Variants in ERC2 observed in about 807,000 individuals in gnomAD.
The protein encoded by ERC2 is ERC protein 2.
A neutral mutation model predicts 114.8 loss-of-function variants in ERC2; 42 were observed. The ratio of observed to expected loss-of-function variants is 0.37; its 90% CI spans 0.29 to 0.47. The LOEUF (loss-of-function observed/expected upper bound fraction) is 0.47, where lower values mean the gene tolerates loss of function less well. Ranked by LOEUF, ERC2 falls within the 20% of genes least tolerant of loss-of-function variation. The pLI is 0.99. For synonymous variants in ERC2, 454 were observed against 425.5 expected (o/e 1.07, Z -0.82); for missense variants, 939 against 1,150.7 (o/e 0.82, Z 2.66).
chr3:56,398,643 G>A (rs564420756), intron 2 of ERC2, among the ~76,000 whole-genome samples: 2 of 151,506 alleles, frequency 1.3e-5, no homozygotes, highest in African/African-American at 4.8e-5. Context: ...TGTTTTTTTA[G>A]AGACAGGCTC....
At chr3:56,196,920 C>A (rs1486830649) in intron 3 of ERC2, among the ~76,000 whole-genome samples, 1 of 152,052 alleles carries the variant, frequency 6.6e-6, no homozygotes, top group African/African-American at 2.4e-5. Flanking sequence ...CACTGCTAAT[C>A]CCCAGCATGA....
intron 17 of ERC2, among the ~76,000 whole-genome samples, chr3:55,661,467 C>T (rs973647695): frequency 9.2e-5 from 14 of 152,168 alleles, no homozygotes; most frequent in Non-Finnish European, 1.6e-4. Flanking sequence ...CCCTTGGGAC[C>T]TCTCTGCCTC....
chr3:55,928,371 G>T (rs2065872059), intron 13 of ERC2, among the ~76,000 whole-genome samples: 1 of 152,140 alleles, frequency 6.6e-6, no homozygotes, highest in Admixed American at 6.5e-5. Context: ...ATAATGTTGA[G>T]TACTTTTTTC....
intron 3 of ERC2, among the ~76,000 whole-genome samples, chr3:56,292,522 A>G (rs981680426): frequency 2.0e-5 from 3 of 151,922 alleles, no homozygotes; most frequent in Non-Finnish European, 4.4e-5. Flanking sequence ...CCTGGGAGGT[A>G]GAGGTTGCAG....
intron 17 of ERC2, among the ~76,000 whole-genome samples, chr3:55,614,546 T>TA (rs908280545): frequency 8.6e-5 from 13 of 151,556 alleles, no homozygotes; most frequent in South Asian, 8.3e-4. Flanking sequence ...CTGATAAAAT[T>TA]AAAAAAAAAT....
intron 3 of ERC2, among the ~76,000 whole-genome samples, chr3:56,294,905 CA>C (rs2055330441): frequency 1.3e-5 from 2 of 152,138 alleles, no homozygotes; most frequent in African/African-American, 4.8e-5. Flanking sequence ...GGTAAAGTAT[CA>C]TTAAAACGAA....
chr3:55,682,439 T>C (rs1344963805), intron 17 of ERC2, among the ~76,000 whole-genome samples: 1 of 152,124 alleles, frequency 6.6e-6, no homozygotes, highest in Non-Finnish European at 1.5e-5. Context: ...TGTAGAAAGA[T>C]GTCGTACCTG....
intron 2 of ERC2, among the ~76,000 whole-genome samples, chr3:56,363,746 T>C (rs2059046602): frequency 6.7e-6 from 1 of 149,660 alleles, no homozygotes; most frequent in South Asian, 2.1e-4. Context: ...GCTAGAGTGC[T>C]CTTTCCAAAA....
At chr3:55,962,055 C>T (rs1487472623) in intron 12 of ERC2, among the ~76,000 whole-genome samples, 1 of 152,024 alleles carries the variant, frequency 6.6e-6, no homozygotes, top group Non-Finnish European at 1.5e-5. Flanking sequence ...TTAGCTGGTG[C>T]TAACAATGAC....
intron 13 of ERC2, among the ~76,000 whole-genome samples, chr3:55,930,410 A>G (rs1306064277): frequency 1.3e-5 from 2 of 152,174 alleles, no homozygotes; most frequent in Non-Finnish European, 2.9e-5. Flanking sequence ...ACAGAGATAT[A>G]GATCAATGGA....
intron 6 of ERC2, among the ~76,000 whole-genome samples, chr3:56,110,454 GA>G (rs1445173867): frequency 6.6e-6 from 1 of 152,088 alleles, no homozygotes; most frequent in African/African-American, 2.4e-5. Context: ...ATAAAATTAA[GA>G]GGCTTATAAC....
At chr3:56,213,295 G>T (rs1180679195) in intron 3 of ERC2, among the ~76,000 whole-genome samples, 1 of 152,208 alleles carries the variant, frequency 6.6e-6, no homozygotes, top group East Asian at 1.9e-4. Context: ...ATGGCACCTG[G>T]AAAACTGGGT....
intron 15 of ERC2, among the ~76,000 whole-genome samples, chr3:55,705,857 C>CTTTTATTTTA (rs145166882): frequency 2.0e-5 from 3 of 152,086 alleles, no homozygotes; most frequent in African/African-American, 7.2e-5. Flanking sequence ...TCATTAAGCA[C>CTTTTATTTTA]TTTTATTTTA....
At chr3:56,138,173 T>G (rs948850926) in intron 6 of ERC2, among the ~76,000 whole-genome samples, 12 of 148,774 alleles carry the variant, frequency 8.1e-5, no homozygotes, top group Admixed American at 1.4e-4. Flanking sequence ...CATTCTCCTA[T>G]CTCAGCCTCC....
At chr3:55,938,832 A>T (rs1178230403) in intron 13 of ERC2, among the ~76,000 whole-genome samples, 1 of 152,240 alleles carries the variant, frequency 6.6e-6, no homozygotes, top group African/African-American at 2.4e-5. Flanking sequence ...CTTAGCAGAA[A>T]AAAAGGTAAA....
At chr3:56,224,468 G>T (rs2050124094) in intron 3 of ERC2, among the ~76,000 whole-genome samples, 1 of 152,090 alleles carries the variant, frequency 6.6e-6, no homozygotes, top group Non-Finnish European at 1.5e-5. Context: ...GAGATGGCGG[G>T]GGTAAAAGGA....
chr3:56,343,186 T>TCACACACACACA (rs1222760029), intron 2 of ERC2, among the ~76,000 whole-genome samples: 24 of 15,006 alleles, frequency 1.6e-3, no homozygotes, highest in Admixed American at 1.0e-2. Flanking sequence ...TCTCTCTCTC[T>TCACACACACACA]CTCTCTCACA....
intron 13 of ERC2, among the ~76,000 whole-genome samples, chr3:55,947,543 C>G (rs957508859): frequency 2.1e-4 from 32 of 151,144 alleles, no homozygotes; most frequent in African/African-American, 7.2e-4. Flanking sequence ...CCTTATGAGG[C>G]CTAGTATGTT....
At chr3:55,595,741 A>G (rs2058096396) in intron 17 of ERC2, among the ~76,000 whole-genome samples, 1 of 152,238 alleles carries the variant, frequency 6.6e-6, no homozygotes, top group Non-Finnish European at 1.5e-5. Flanking sequence ...GCTCAAATGC[A>G]GACAAAGGGA....
Sources: allele counts gnomAD v4.1 joint callset (sites outside exome capture counted in the v4.1 genomes callset), GRCh38; gene constraint gnomAD v4.1.1; transcripts MANE v1.5; gene names NCBI Gene and HGNC (gene_info 2026-07-23, HGNC 2026-07-21).